Variants in ABCA13 observed in about 807,000 individuals in gnomAD.
The protein encoded by ABCA13 is ATP binding cassette subfamily A member 13.
ABCA13 carries 476 observed loss-of-function variants against 478.7 expected under a neutral mutation model. The ratio of observed to expected loss-of-function variants is 0.99; its 90% CI spans 0.92 to 1.07. The LOEUF (loss-of-function observed/expected upper bound fraction) is 1.07, where lower values mean the gene tolerates loss of function less well. Among genes scored for constraint, ABCA13 ranks in the 50% least tolerant of loss-of-function variants. The pLI, the probability that ABCA13 is intolerant of heterozygous loss-of-function variation, is 0.00. For missense variants in ABCA13, 6,060 were observed against 5,910.6 expected (o/e 1.03, Z -0.83); for synonymous variants, 2,252 against 2,158.9 (o/e 1.04, Z -1.20).
At chr7:48,616,223 G>C (rs1792553179) in intron 59 of ABCA13, among the ~76,000 whole-genome samples, 1 of 152,170 alleles carries the variant, frequency 6.6e-6, no homozygotes, top group Non-Finnish European at 1.5e-5. Context: ...GAAAATAGCT[G>C]ATGCTCAGGA....
In ABCA13 at chr7:48,275,367, C is replaced by G. The variant is rs1242580832; in HGVS notation, c.5701C>G (p.Leu1901Val). ...HELVDWNSIL[L>V]ELSEVFHVNI... ...ATTAGTGGACTGGAATTCTATTCTT[C>G]TGGAGCTCTCTGAAGTCTTCCATGT... Residue 1901 changes from leucine to valine, a missense_variant, in exon 17 of 62, where the codon CTG becomes GTG. Physicochemically the swap from Leu to Val is conservative, Grantham distance 32. Around this residue, in one of 3 missense-constraint regions of ABCA13, gnomAD observed 4,423 missense variants for 4,309.1 expected, o/e 1.03. Coordinates refer to ENST00000435803, the MANE Select transcript of ABCA13 (RefSeq NM_152701.5). 1 of 1,613,936 alleles carries G rather than the reference C, an allele frequency of 6.2e-7. No homozygotes were observed. The highest frequency in any genetic ancestry group is 1.7e-5 in the Admixed American group (1 of 60,012).
intron 45 of ABCA13, among the ~76,000 whole-genome samples, chr7:48,475,397 C>T (rs1306979393): frequency 2.7e-5 from 4 of 150,730 alleles, no homozygotes; most frequent in African/African-American, 9.8e-5. Flanking sequence ...AAATATTTCT[C>T]TTCCCTTAAA....
At position 48,219,405 on chromosome 7, in the gene ABCA13, C is replaced by G. The variant is rs1787005537; in HGVS notation, c.339C>G (p.Ala113=). ...AADPKKVNNL[A]FLKEIQDLAE... Reference sequence around the variant, plus strand: ...ACCCCAAGAAAGTCAACAACCTGGCCTTTTTAAAAGAGATACAAGACCTGG... The same window carrying G: ...ACCCCAAGAAAGTCAACAACCTGGCGTTTTTAAAAGAGATACAAGACCTGG... Residue 113 remains alanine, a synonymous_variant, in exon 4 of 62, where the codon GCC becomes GCG. Coordinates refer to ENST00000435803, the MANE Select transcript of ABCA13 (RefSeq NM_152701.5). 2 of 1,612,484 alleles carry G rather than the reference C, an allele frequency of 1.2e-6. No individual in the cohort carries two copies. Among genetic ancestry groups the G allele is most frequent in the South Asian group, 1.1e-5 (1 of 90,752 alleles).
At chr7:48,412,679 T>G in intron 41 of ABCA13, 96 bp downstream of exon 41, 11 of 494,030 alleles carry the variant, frequency 2.2e-5, no homozygotes, top group Non-Finnish European at 3.2e-5. Context: ...GAGATGTGGG[T>G]AAGGGGGAGG....
chr7:48,317,309 A>C lies in ABCA13; in HGVS notation c.9999+13A>C. ...GGTCATTCAAAAGGTAAGTTAAAAT[A>C]AATGAGAATCATATAGACCATACAT... is the stretch of plus-strand genomic sequence containing the variant. On this transcript the variant is annotated intron_variant, in intron 27 of 61. Transcript: ENST00000435803. 1 of 1,610,400 alleles carries C rather than the reference A, an allele frequency of 6.2e-7. No individual in the cohort carries two copies.
At chr7:48,492,156 C>G (rs1829896679) in intron 48 of ABCA13, among the ~76,000 whole-genome samples, 1 of 152,158 alleles carries the variant, frequency 6.6e-6, no homozygotes, top group Admixed American at 6.5e-5. Flanking sequence ...CAGCTAGCTG[C>G]TCCTGACCTA....
chr7:48,193,186 A>G, intron 2 of ABCA13, 134 bp downstream of exon 2: 2 of 682,958 alleles, frequency 2.9e-6, no homozygotes, highest in East Asian at 5.5e-5. Flanking sequence ...GACAATAACA[A>G]CATATCTGGA....
At chr7:48,260,125 C>T (rs1395193750) in intron 15 of ABCA13, among the ~76,000 whole-genome samples, 3 of 152,008 alleles carry the variant, frequency 2.0e-5, no homozygotes, top group Non-Finnish European at 2.9e-5. Flanking sequence ...TCAGCCATTT[C>T]AGCCTGGTTA....
At chr7:48,490,484 T>C (rs1829742157) in intron 48 of ABCA13, among the ~76,000 whole-genome samples, 1 of 152,178 alleles carries the variant, frequency 6.6e-6, no homozygotes. Flanking sequence ...GATAACAAAC[T>C]CTTGCTTTTC....
chr7:48,504,314 C>G (rs1192860937), intron 48 of ABCA13, among the ~76,000 whole-genome samples: 2 of 152,050 alleles, frequency 1.3e-5, no homozygotes, highest in East Asian at 1.9e-4. Flanking sequence ...TGGAAGTTCT[C>G]TAGGCTTTCT....
At chr7:48,219,573 A>G (rs1787035066) in intron 4 of ABCA13, 68 bp downstream of exon 4, 6 of 1,531,908 alleles carry the variant, frequency 3.9e-6, no homozygotes, top group Non-Finnish European at 5.2e-6. Context: ...TGTGGAGGCT[A>G]TGAGAACCCA....
In ABCA13 at chr7:48,587,275, A is replaced by G. The variant is rs764030872; in HGVS notation, c.14627A>G (p.Asp4876Gly). 7.5e-6 allele frequency: 12 copies of G among 1,606,954 alleles called. No individual in the cohort carries two copies. The highest frequency in any genetic ancestry group is 2.2e-5 in the East Asian group (1 of 44,658). The change falls in exon 57 of 62, where the codon GAC becomes GGC. Residue 4876 changes from aspartate (D) to glycine (G), a missense_variant. Coordinates refer to ENST00000435803, the MANE Select transcript of ABCA13 (RefSeq NM_152701.5). ...GCCCTGGCCCTGGTGGGGAAACCTG[A>G]CATTCTTTTATTGGTGAGTAGAAGA... ...STALALVGKP[D>G]ILLLDEPSSG... is the part of the protein sequence containing the mutation.
At chr7:48,619,459 G>C (rs1792919002) in intron 59 of ABCA13, among the ~76,000 whole-genome samples, 4 of 152,156 alleles carry the variant, frequency 2.6e-5, no homozygotes, top group Admixed American at 2.6e-4. Flanking sequence ...TAGATCTTTT[G>C]CTCGTAAAAC....
chr7:48,559,444 A>G (rs999501282), intron 55 of ABCA13, among the ~76,000 whole-genome samples: 1 of 152,094 alleles, frequency 6.6e-6, no homozygotes, highest in Non-Finnish European at 1.5e-5. Flanking sequence ...GGTCCAAGAC[A>G]GGTCCAGAAA....
At chr7:48,306,779 G>A (rs1800961664) in intron 23 of ABCA13, among the ~76,000 whole-genome samples, 1 of 152,200 alleles carries the variant, frequency 6.6e-6, no homozygotes, top group East Asian at 1.9e-4. Context: ...GATTAATTTT[G>A]TGTGTCAACT....
intron 8 of ABCA13, among the ~76,000 whole-genome samples, chr7:48,235,181 G>C (rs978399545): frequency 2.0e-5 from 3 of 152,100 alleles, no homozygotes; most frequent in Non-Finnish European, 2.9e-5. Context: ...TGTGCTTCTT[G>C]TATCCCTGGC....
intron 58 of ABCA13, among the ~76,000 whole-genome samples, chr7:48,607,555 T>C (rs1300413147): frequency 6.6e-6 from 1 of 152,242 alleles, no homozygotes; most frequent in Non-Finnish European, 1.5e-5. Context: ...ATGATGTTTA[T>C]AATAGCTGCA....
chr7:48,227,583 C>G (rs1019092344), intron 6 of ABCA13, among the ~76,000 whole-genome samples, 158 bp downstream of exon 6: 1 of 152,066 alleles, frequency 6.6e-6, no homozygotes, highest in Non-Finnish European at 1.5e-5. Context: ...ACGAACGTCC[C>G]TCATCTGTCT....
intron 41 of ABCA13, among the ~76,000 whole-genome samples, chr7:48,426,822 G>C (rs1211144546): frequency 6.6e-6 from 1 of 152,168 alleles, no homozygotes; most frequent in Admixed American, 6.5e-5. Flanking sequence ...TCCAGAGTCT[G>C]TGCCTGGCAC....
Sources: allele counts gnomAD v4.1 joint callset (sites outside exome capture counted in the v4.1 genomes callset), GRCh38; gene constraint gnomAD v4.1.1; regional missense constraint gnomAD v4.1.1; transcripts MANE v1.5; gene names NCBI Gene and HGNC (gene_info 2026-07-23, HGNC 2026-07-21).